The following DLC1 variants were observed in gnomAD, a reference collection of about 807,000 sequenced individuals.
The protein encoded by DLC1 is rho GTPase-activating protein 7.
In DLC1, 54 loss-of-function variants were observed where a neutral mutation model predicts 140.3. The ratio of observed to expected loss-of-function variants is 0.38; its 90% CI spans 0.31 to 0.48. DLC1 has a LOEUF of 0.48. DLC1 is among the 20% of genes least tolerant of loss of function. DLC1 has a pLI of 0.96. For synonymous variants in DLC1, 986 were observed against 728.1 expected (o/e 1.35, Z -5.70); for missense variants, 2,536 against 1,907.0 (o/e 1.33, Z -6.14).
At chr8:13,280,554 A>G (rs998832196) in intron 5 of DLC1, among the ~76,000 whole-genome samples, 1 of 152,146 alleles carries the variant, frequency 6.6e-6, no homozygotes, top group Non-Finnish European at 1.5e-5. Flanking sequence ...TATTGATTTA[A>G]TGTAATTTTG....
At position 13,100,683 on chromosome 8, in the gene DLC1, C is replaced by G; in HGVS notation, c.1654G>C (p.Glu552Gln). The G allele has an allele frequency of 1.2e-6, 2 of 1,613,856 alleles. No individual in the cohort carries two copies. Among genetic ancestry groups the G allele is most frequent in the East Asian group, 2.2e-5 (1 of 44,848 alleles). The change falls in exon 9 of 18, where the codon GAG becomes CAG. Residue 552 changes from glutamate to glutamine, a missense_variant. Glu to Gln is a conservative substitution (Grantham distance 29). Coordinates refer to ENST00000276297, the MANE Select transcript of DLC1 (RefSeq NM_182643.3). ...RDSKRWSRLE[E>Q]FDVFSPKQDL... ...TGTTTTGGAGAAAAGACATCAAACT[C>G]TTCAAGCCGGGACCACCTCTTGCTG...
chr8:13,401,747 T>C, intron 2 of DLC1, 128 bp from the exon 3 acceptor site: 2 of 1,235,994 alleles, frequency 1.6e-6, no homozygotes, highest in Non-Finnish European at 2.2e-6. Context: ...GAAGAGAAGT[T>C]CCATTCTGTA....
intron 5 of DLC1, among the ~76,000 whole-genome samples, chr8:13,157,130 C>A (rs562688458): frequency 3.3e-5 from 5 of 152,292 alleles, no homozygotes; most frequent in Non-Finnish European, 5.9e-5. Context: ...CCATAAGAGG[C>A]AGGATACCTA....
chr8:13,211,156 C>G (rs78203841), intron 5 of DLC1, among the ~76,000 whole-genome samples: 2 of 152,118 alleles, frequency 1.3e-5, no homozygotes, highest in Non-Finnish European at 2.9e-5. Context: ...GCCGTGGCAA[C>G]GACCTGGAAG....
intron 2 of DLC1, among the ~76,000 whole-genome samples, chr8:13,412,302 G>A (rs978156376): frequency 2.0e-5 from 3 of 152,012 alleles, no homozygotes; most frequent in African/African-American, 7.2e-5. Context: ...ACAATATTTT[G>A]GAAATAGAAT....
chr8:13,560,802 G>A (rs1052703515), intron 1 of DLC1, among the ~76,000 whole-genome samples: 3 of 152,036 alleles, frequency 2.0e-5, no homozygotes, highest in African/African-American at 7.2e-5. Context: ...TGGGCACAGA[G>A]ACAGGCATGG....
At chr8:13,449,619 A>G (rs763174625) in intron 2 of DLC1, among the ~76,000 whole-genome samples, 1 of 146,202 alleles carries the variant, frequency 6.8e-6, no homozygotes, top group Non-Finnish European at 1.5e-5. Flanking sequence ...GAATAGAACA[A>G]TGAGAACACT....
intron 4 of DLC1, among the ~76,000 whole-genome samples, chr8:13,339,162 A>C (rs959775924): frequency 4.6e-5 from 7 of 152,216 alleles, no homozygotes; most frequent in African/African-American, 1.7e-4. Flanking sequence ...TACTTTTGTC[A>C]TCAGTTGCCA....
intron 5 of DLC1, among the ~76,000 whole-genome samples, chr8:13,138,421 G>A (rs1822723891): frequency 6.6e-6 from 1 of 152,132 alleles, no homozygotes; most frequent in South Asian, 2.1e-4. Flanking sequence ...GCTTTACTTA[G>A]CCCTAGGGCA....
intron 5 of DLC1, among the ~76,000 whole-genome samples, chr8:13,250,141 A>G (rs11776451): frequency 0.038 from 5,831 of 152,338 alleles, 163 homozygotes; most frequent in South Asian, 0.067. Context: ...AATAGGATCA[A>G]TACGTACTTG....
At chr8:13,190,125 G>T (rs1047701330) in intron 5 of DLC1, among the ~76,000 whole-genome samples, 20 of 152,096 alleles carry the variant, frequency 1.3e-4, no homozygotes, top group African/African-American at 4.8e-4. Context: ...TATCATTTTG[G>T]CAGGTAAACG....
At chr8:13,345,751 G>T (rs994174924) in intron 4 of DLC1, among the ~76,000 whole-genome samples, 1 of 151,708 alleles carries the variant, frequency 6.6e-6, no homozygotes, top group Admixed American at 6.6e-5. Flanking sequence ...TAGAGATGGG[G>T]TTTCACCATG....
In DLC1 at chr8:13,209,443, C is replaced by T. The variant is rs948321803; in HGVS notation, c.1349-93786G>A. Among the ~76,000 whole-genome samples the T allele has an allele frequency of 8.5e-5, 13 of 152,110 alleles. 1 individual carries two copies. The highest frequency in any genetic ancestry group is 5.9e-4 in the Admixed American group (9 of 15,260). On this transcript the variant is annotated intron_variant, in intron 5 of 17. Transcript: ENST00000276297. ...CTCACTCACTAGTGGATGACTTCTG[C>T]TCATCAGTCTGTCTGACAAAATTAA...
chr8:13,209,510 G>GA (rs1250527501), intron 5 of DLC1, among the ~76,000 whole-genome samples: 7 of 152,166 alleles, frequency 4.6e-5, no homozygotes, highest in African/African-American at 1.4e-4. Flanking sequence ...CTCATAAATA[G>GA]AAAAAATAGC....
chr8:13,091,457 G>T, intron 13 of DLC1, 25 bp from the exon 14 acceptor site: 1 of 1,585,132 alleles, frequency 6.3e-7, no homozygotes, highest in Non-Finnish European at 8.6e-7. Context: ...TACAGGAGGG[G>T]AACAGTTCAA....
At chr8:13,352,220 G>T (rs1460831758) in intron 4 of DLC1, among the ~76,000 whole-genome samples, 1 of 152,188 alleles carries the variant, frequency 6.6e-6, no homozygotes, top group East Asian at 1.9e-4. Context: ...CCGAACACAC[G>T]CACGGCCCTC....
At chr8:13,337,508 C>T (rs1238148821) in intron 4 of DLC1, among the ~76,000 whole-genome samples, 2 of 152,114 alleles carry the variant, frequency 1.3e-5, no homozygotes, top group African/African-American at 4.8e-5. Flanking sequence ...TTGACAATCA[C>T]ATTAACATCA....
chr8:13,352,565 G>C (rs1472770251), intron 4 of DLC1, among the ~76,000 whole-genome samples: 1 of 151,916 alleles, frequency 6.6e-6, no homozygotes, highest in Non-Finnish European at 1.5e-5. Flanking sequence ...ATTTTTTGTA[G>C]AGACAGGGCC....
At position 13,347,732 on chromosome 8, in the gene DLC1, T is replaced by C. The variant is rs184906501; in HGVS notation, c.1315-42430A>G. The stretch of plus-strand genomic sequence containing the variant: ...TCTCTCCTATATGGGCACAGAAGCA[T>C]GAATAACTCATTTCAACATATGAAG... On this transcript the variant is annotated intron_variant, in intron 4 of 17. Coordinates refer to ENST00000276297, the MANE Select transcript of DLC1 (RefSeq NM_182643.3). 2.6e-5 allele frequency among the ~76,000 whole-genome samples: 4 copies of C among 152,204 alleles called. No individual in the cohort carries two copies. In the East Asian group the frequency reaches 7.7e-4, roughly 29 times the overall value.
Sources: gnomAD v4.1 joint callset for allele counts (sites outside exome capture counted in the v4.1 genomes callset) on GRCh38, gnomAD v4.1.1 for gene constraint, MANE v1.5 for transcripts, NCBI Gene and HGNC (gene_info 2026-07-23, HGNC 2026-07-21) for gene names.